Variants in SUGCT observed in about 807,000 individuals in gnomAD.
SUGCT encodes the protein succinyl-CoA:glutarate-CoA transferase, also known as succinyl-CoA:glutarate CoA-transferase.
Under a neutral mutation model 55.0 loss-of-function variants are expected in SUGCT, and 41 were observed. The observed-to-expected ratio is 0.74, with a 90% CI of 0.58 to 0.97. The LOEUF is 0.97. Ranked by LOEUF, SUGCT falls within the 50% of genes least tolerant of loss-of-function variation. The probability of loss-of-function intolerance (pLI) is 0.00; values close to 1 mark genes in which losing one functional copy is unlikely to be tolerated. For synonymous variants in SUGCT, 187 were observed against 200.4 expected (o/e 0.93, Z 0.56); for missense variants, 568 against 547.8 (o/e 1.04, Z -0.37).
intron 12 of SUGCT, among the ~76,000 whole-genome samples, chr7:40,638,306 C>A (rs550412260): frequency 1.9e-4 from 29 of 152,178 alleles, no homozygotes; most frequent in African/African-American, 7.0e-4. Context: ...CAGATTCAAG[C>A]TTTTTGCTTT....
the SUGCT span, among the ~76,000 whole-genome samples, chr7:40,905,186 C>CTTGAATCAT: frequency 1.6e-4 from 24 of 152,288 alleles, no homozygotes; most frequent in African/African-American, 5.8e-4. Flanking sequence ...AATCTTTTTA[C>CTTGAATCAT]TTGAATCATT....
chr7:41,030,918 A>G, the SUGCT span, among the ~76,000 whole-genome samples: 1 of 152,140 alleles, frequency 6.6e-6, no homozygotes, highest in Non-Finnish European at 1.5e-5. Flanking sequence ...AGGACATATT[A>G]GTGCATCGTA....
At chr7:40,682,690 G>A (rs529274228) in intron 12 of SUGCT, among the ~76,000 whole-genome samples, 44 of 152,070 alleles carry the variant, frequency 2.9e-4, no homozygotes, top group Admixed American at 6.5e-4. Flanking sequence ...GTCTATTAAG[G>A]TTTCATAGAA....
chr7:40,815,869 C>T (rs909872037), intron 13 of SUGCT, among the ~76,000 whole-genome samples: 2 of 152,180 alleles, frequency 1.3e-5, no homozygotes, highest in African/African-American at 4.8e-5. Context: ...TCTGCTGTAC[C>T]ACAGTCTATG....
At chr7:40,596,303 A>G (rs189060442) in intron 12 of SUGCT, among the ~76,000 whole-genome samples, 1 of 152,318 alleles carries the variant, frequency 6.6e-6, no homozygotes, top group East Asian at 1.9e-4. Context: ...AAATAAAATT[A>G]CAATAGGCAC....
chr7:40,176,923 A>G (rs554756756), intron 1 of SUGCT, among the ~76,000 whole-genome samples: 1 of 148,524 alleles, frequency 6.7e-6, no homozygotes, highest in African/African-American at 2.5e-5. Flanking sequence ...CAGTGAGCCA[A>G]GATCGCAAGC....
Position 40,666,999 on chromosome 7 carries a change from C to T in SUGCT, c.1090-82435C>T, listed in dbSNP as rs979135542. On this transcript the variant is annotated intron_variant, in intron 12 of 13. Coordinates refer to ENST00000335693, the MANE Select transcript of SUGCT (RefSeq NM_001193313.2). The stretch of plus-strand genomic sequence containing the variant: ...ATGTGGGGTTGCACGCCTGTGATCC[C>T]AGCTACTTGGGAGGCTGAGGTAGGG... Among the ~76,000 whole-genome samples the T allele has an allele frequency of 3.3e-5, 5 of 151,348 alleles. No individual in the cohort carries two copies. The East Asian group carries it at 7.8e-4, about 24-fold the overall frequency.
intron 9 of SUGCT, among the ~76,000 whole-genome samples, chr7:40,389,171 C>A (rs979830516): frequency 6.6e-6 from 1 of 151,968 alleles, no homozygotes; most frequent in African/African-American, 2.4e-5. Context: ...TTACTGAGGC[C>A]GGATGGGATG....
chr7:41,005,653 A>G, the SUGCT span, among the ~76,000 whole-genome samples: 1 of 152,190 alleles, frequency 6.6e-6, no homozygotes. Flanking sequence ...CATGACTGTT[A>G]TCAATGAGGT....
At chr7:40,650,164 G>C (rs541928503) in intron 12 of SUGCT, among the ~76,000 whole-genome samples, 1 of 152,292 alleles carries the variant, frequency 6.6e-6, no homozygotes, top group Admixed American at 6.5e-5. Context: ...TGCCACGTGG[G>C]TATCTCAGTT....
At chr7:40,926,296 G>A in the SUGCT span, among the ~76,000 whole-genome samples, 31 of 151,914 alleles carry the variant, frequency 2.0e-4, no homozygotes, top group African/African-American at 7.2e-4. Flanking sequence ...TTGAGAATTG[G>A]GTAAGATTGT....
the SUGCT span, among the ~76,000 whole-genome samples, chr7:40,977,087 C>T: frequency 6.6e-6 from 1 of 152,218 alleles, no homozygotes; most frequent in Non-Finnish European, 1.5e-5. Context: ...GCAATGTTTT[C>T]ACCTTCTGTA....
chr7:40,865,270 C>T (rs769206496), downstream of SUGCT, among the ~76,000 whole-genome samples: 7 of 152,098 alleles, frequency 4.6e-5, no homozygotes, highest in East Asian at 1.9e-4. Flanking sequence ...AACCTGTGTC[C>T]GACCTTCAGA....
chr7:40,732,672 G>A (rs781595581), intron 12 of SUGCT, among the ~76,000 whole-genome samples: 2 of 152,196 alleles, frequency 1.3e-5, no homozygotes, highest in African/African-American at 2.4e-5. Flanking sequence ...TCAGAAGGCA[G>A]CACTCTCCCT....
At chr7:40,735,696 A>AAAAAC (rs1319796335) in intron 12 of SUGCT, among the ~76,000 whole-genome samples, 1 of 152,162 alleles carries the variant, frequency 6.6e-6, no homozygotes, top group Non-Finnish European at 1.5e-5. Flanking sequence ...GAACTAGGTA[A>AAAAAC]AAAACAAAAC....
intron 12 of SUGCT, among the ~76,000 whole-genome samples, chr7:40,747,408 T>C (rs1028411943): frequency 4.6e-5 from 7 of 152,200 alleles, no homozygotes; most frequent in African/African-American, 1.7e-4. Flanking sequence ...AAATTTGAGC[T>C]CTCTCTCCGA....
intron 12 of SUGCT, among the ~76,000 whole-genome samples, chr7:40,638,511 A>G (rs1210640786): frequency 6.6e-6 from 1 of 152,186 alleles, no homozygotes; most frequent in African/African-American, 2.4e-5. Context: ...GAAGACAGAA[A>G]TGACTGAACA....
intron 10 of SUGCT, among the ~76,000 whole-genome samples, chr7:40,450,501 G>T (rs148271539): frequency 1.3e-5 from 2 of 151,326 alleles, no homozygotes; most frequent in African/African-American, 4.9e-5. Flanking sequence ...AGGGCCAGGC[G>T]CAGTGGCTCA....
intron 12 of SUGCT, among the ~76,000 whole-genome samples, chr7:40,678,253 G>T (rs1162548570): frequency 6.6e-6 from 1 of 152,152 alleles, no homozygotes; most frequent in African/African-American, 2.4e-5. Flanking sequence ...TACCATAGCA[G>T]CAAAGATCTA....
Sources: allele counts gnomAD v4.1 joint callset (sites outside exome capture counted in the v4.1 genomes callset), GRCh38; gene constraint gnomAD v4.1.1; transcripts MANE v1.5; gene names NCBI Gene and HGNC (gene_info 2026-07-23, HGNC 2026-07-21).